Variants in ATXN1 observed in about 807,000 individuals in gnomAD.
ATXN1 encodes the protein ataxin-1.
Under a neutral mutation model 56.4 loss-of-function variants are expected in ATXN1, and 8 were observed. That is an observed-to-expected ratio of 0.14 (90% confidence interval 0.08 to 0.26). The LOEUF is 0.26. ATXN1 is among the 10% of genes least tolerant of loss of function. The probability of loss-of-function intolerance (pLI) is 1.00; values close to 1 mark genes in which losing one functional copy is unlikely to be tolerated. For missense variants in ATXN1, 987 were observed against 1,106.5 expected, an observed-to-expected ratio of 0.89 and a Z score of 1.53; for synonymous variants, 514 against 494.6, an observed-to-expected ratio of 1.04 and a Z score of -0.52.
chr6:16,730,487 G>GTATGTATATATATA (rs1554128995), intron 2 of ATXN1, among the ~76,000 whole-genome samples: 34 of 132,056 alleles, frequency 2.6e-4, no homozygotes, highest in Middle Eastern at 4.1e-3. Flanking sequence ...AAAACAGTAT[G>GTATGTATATATATA]TATATATATA....
intron 7 of ATXN1, among the ~76,000 whole-genome samples, chr6:16,309,317 T>G (rs544745290): frequency 6.6e-6 from 1 of 151,708 alleles, no homozygotes; most frequent in Non-Finnish European, 1.5e-5. Flanking sequence ...TATACACCAC[T>G]GAAATCAAGA....
intron 1 of ATXN1, among the ~76,000 whole-genome samples, chr6:16,756,617 T>C (rs367756382): frequency 3.7e-4 from 57 of 152,288 alleles, no homozygotes; most frequent in Middle Eastern, 3.4e-3. Flanking sequence ...ATTCGAACTA[T>C]TGAATTACTC....
intron 6 of ATXN1, among the ~76,000 whole-genome samples, chr6:16,442,785 G>T (rs937887026): frequency 2.0e-5 from 3 of 152,070 alleles, no homozygotes; most frequent in Admixed American, 2.0e-4. Flanking sequence ...GCCAAGGCGG[G>T]TGGATCACTT....
At chr6:16,493,834 G>C (rs1760719321) in intron 5 of ATXN1, among the ~76,000 whole-genome samples, 1 of 152,174 alleles carries the variant, frequency 6.6e-6, no homozygotes, top group Non-Finnish European at 1.5e-5. Context: ...AGGAAACTGT[G>C]CAGTCCCTCA....
In ATXN1 at chr6:16,708,830, A is replaced by C. The variant is rs563326184; in HGVS notation, c.-615+44403T>G. On this transcript the variant is annotated intron_variant, in intron 2 of 7. Coordinates refer to ENST00000436367, the MANE Select transcript of ATXN1 (RefSeq NM_001128164.2). ...CACCTGAGGTCAGGAGTTCAAGACC[A>C]GCCTGGCCAACGTGGCGAAACCCTG... Among the ~76,000 whole-genome samples the C allele has an allele frequency of 1.6e-3, 248 of 152,302 alleles. 2 individuals carry two copies. The highest frequency in any genetic ancestry group is 5.5e-3 in the African/African-American group (229 of 41,564).
intron 2 of ATXN1, among the ~76,000 whole-genome samples, chr6:16,722,465 C>T (rs1250694534): frequency 6.6e-6 from 1 of 152,176 alleles, no homozygotes; most frequent in Admixed American, 6.5e-5. Flanking sequence ...AGGAAGTGCT[C>T]ACTAATAATA....
rs143601415 is a variant in ATXN1, at chr6:16,704,210, A to G, written c.-614-46309T>C. Reference sequence around the variant, plus strand: ...AACATGGAATTTATTTTCATTTCCTATCTAATTTGGTCTCCAGAGCCTGCT... The same window carrying G: ...AACATGGAATTTATTTTCATTTCCTGTCTAATTTGGTCTCCAGAGCCTGCT... On this transcript the variant is annotated intron_variant, in intron 2 of 7. Coordinates refer to ENST00000436367, the MANE Select transcript of ATXN1 (RefSeq NM_001128164.2). Among the ~76,000 whole-genome samples, 223 of 152,290 alleles carry G rather than the reference A, an allele frequency of 1.5e-3. 1 individual carries two copies. Among genetic ancestry groups the G allele is most frequent in the African/African-American group, 5.2e-3 (216 of 41,554 alleles).
chr6:16,609,194 A>G (rs1581881588), intron 3 of ATXN1, among the ~76,000 whole-genome samples: 1 of 152,206 alleles, frequency 6.6e-6, no homozygotes, highest in African/African-American at 2.4e-5. Flanking sequence ...AAATCTTCCT[A>G]AAATGGACTG....
chr6:16,615,450 A>C (rs1266404024), intron 3 of ATXN1: 1 of 145,458 alleles, frequency 6.9e-6, no homozygotes, highest in African/African-American at 2.5e-5. Context: ...TTTTGGTGAC[A>C]ATTGGTGCAC....
At chr6:16,318,776 A>G in intron 7 of ATXN1, among the ~76,000 whole-genome samples, 1 of 152,218 alleles carries the variant, frequency 6.6e-6, no homozygotes, top group Non-Finnish European at 1.5e-5. Flanking sequence ...CGTGGCTCAC[A>G]GAGCTCCCTT....
intron 5 of ATXN1, among the ~76,000 whole-genome samples, chr6:16,499,767 A>G (rs1760848013): frequency 6.6e-6 from 1 of 152,248 alleles, no homozygotes; most frequent in Non-Finnish European, 1.5e-5. Context: ...GACTCTGTTT[A>G]TCTTAAGCAA....
At chr6:16,400,193 C>T (rs924428336) in intron 6 of ATXN1, among the ~76,000 whole-genome samples, 4 of 152,210 alleles carry the variant, frequency 2.6e-5, no homozygotes, top group Admixed American at 6.5e-5. Flanking sequence ...TTAATTATTT[C>T]CACTCTGCCC....
At chr6:16,590,926 T>C (rs1762711395) in intron 3 of ATXN1, among the ~76,000 whole-genome samples, 1 of 151,002 alleles carries the variant, frequency 6.6e-6, no homozygotes, top group East Asian at 1.9e-4. Context: ...CACCATAACC[T>C]CCGCCTTCCA....
chr6:16,316,983 T>A (rs1760528494), intron 7 of ATXN1, among the ~76,000 whole-genome samples: 1 of 150,330 alleles, frequency 6.7e-6, no homozygotes, highest in South Asian at 2.1e-4. Context: ...AACAGGCAGC[T>A]TTCTCAGCGG....
intron 6 of ATXN1, among the ~76,000 whole-genome samples, chr6:16,438,869 G>A (rs2179574): frequency 0.3 from 45,882 of 152,004 alleles, 7,796 homozygotes; most frequent in Middle Eastern, 0.46. Context: ...GGAGGTACTC[G>A]ATCAATGCCA....
chr6:16,679,605 GT>G (rs1758771409), intron 2 of ATXN1, among the ~76,000 whole-genome samples: 1 of 152,210 alleles, frequency 6.6e-6, no homozygotes, highest in Non-Finnish European at 1.5e-5. Context: ...AGGATTTTAT[GT>G]ATACTGCACA....
intron 3 of ATXN1, among the ~76,000 whole-genome samples, chr6:16,598,926 A>G (rs1762865131): frequency 6.6e-6 from 1 of 152,208 alleles, no homozygotes; most frequent in Admixed American, 6.5e-5. Context: ...TGAAAAGAGG[A>G]GGGGTTCATG....
intron 3 of ATXN1, among the ~76,000 whole-genome samples, chr6:16,612,009 G>A (rs577528163): frequency 1.8e-4 from 27 of 151,702 alleles, no homozygotes; most frequent in African/African-American, 5.8e-4. Flanking sequence ...ACAGGTGCCC[G>A]CCACCACACC....
chr6:16,655,708 A>T (rs143747150), intron 3 of ATXN1, among the ~76,000 whole-genome samples: 1,553 of 151,762 alleles, frequency 0.01, 39 homozygotes, highest in African/African-American at 0.035. Context: ...ATAAATAAAT[A>T]AATAAATTAA....
Sources: allele counts gnomAD v4.1 joint callset (sites outside exome capture counted in the v4.1 genomes callset), GRCh38; gene constraint gnomAD v4.1.1; transcripts MANE v1.5; gene names NCBI Gene and HGNC (gene_info 2026-07-23, HGNC 2026-07-21).